PTPRD: variants seen among roughly 807,000 people sequenced by gnomAD.
PTPRD encodes the protein receptor-type tyrosine-protein phosphatase delta.
In PTPRD, 34 loss-of-function variants were observed where a neutral mutation model predicts 214.5. That is an observed-to-expected ratio of 0.16 (90% CI 0.12 to 0.21). The LOEUF is 0.21. Ranked by LOEUF, PTPRD falls within the 10% of genes least tolerant of loss-of-function variation. PTPRD has a pLI of 1.00. For missense variants in PTPRD, 2,545 were observed against 2,398.7 expected, an observed-to-expected ratio of 1.06 and a Z score of -1.27; for synonymous variants, 1,128 against 845.7, an observed-to-expected ratio of 1.33 and a Z score of -5.79.
chr9:9,308,228 C>G (rs1452256729), intron 9 of PTPRD, among the ~76,000 whole-genome samples: 1 of 152,116 alleles, frequency 6.6e-6, no homozygotes, highest in Non-Finnish European at 1.5e-5. Flanking sequence ...AGTAATATCA[C>G]CAACTAATGA....
At chr9:9,964,883 A>C (rs181230247) in intron 4 of PTPRD, among the ~76,000 whole-genome samples, 1 of 152,294 alleles carries the variant, frequency 6.6e-6, no homozygotes, top group African/African-American at 2.4e-5. Context: ...AGATCTAACT[A>C]AACTAATTTT....
chr9:8,966,948 C>A (rs113944513), intron 11 of PTPRD, among the ~76,000 whole-genome samples: 138 of 151,478 alleles, frequency 9.1e-4, no homozygotes, highest in African/African-American at 3.3e-3. Flanking sequence ...AAACAACAAA[C>A]AAACAAAATA....
At chr9:9,147,737 A>G (rs2099871091) in intron 10 of PTPRD, among the ~76,000 whole-genome samples, 3 of 152,088 alleles carry the variant, frequency 2.0e-5, no homozygotes, top group Admixed American at 2.0e-4. Flanking sequence ...GGCCCTTTAT[A>G]GAAAATGTTT....
At chr9:9,560,234 G>A (rs1417349227) in intron 8 of PTPRD, among the ~76,000 whole-genome samples, 2 of 152,154 alleles carry the variant, frequency 1.3e-5, no homozygotes, top group South Asian at 4.1e-4. Flanking sequence ...ACTAGAGGAA[G>A]TACACTCCAC....
intron 8 of PTPRD, among the ~76,000 whole-genome samples, chr9:9,499,478 G>A (rs2096325567): frequency 6.6e-6 from 1 of 151,944 alleles, no homozygotes; most frequent in Non-Finnish European, 1.5e-5. Flanking sequence ...CTTTACTTCA[G>A]CTATCATATT....
At chr9:8,325,651 T>C (rs543151405) in intron 44 of PTPRD, among the ~76,000 whole-genome samples, 316 of 151,744 alleles carry the variant, frequency 2.1e-3, no homozygotes, top group African/African-American at 6.9e-3. Context: ...GGGGATGGCA[T>C]TGAATCTATA....
chr9:9,100,679 A>G (rs1374379763), intron 10 of PTPRD, among the ~76,000 whole-genome samples: 1 of 152,188 alleles, frequency 6.6e-6, no homozygotes, highest in Admixed American at 6.5e-5. Context: ...AGAAAACAGT[A>G]GCCACATTCC....
At chr9:8,544,428 A>C (rs1320338100) in intron 14 of PTPRD, among the ~76,000 whole-genome samples, 2 of 147,578 alleles carry the variant, frequency 1.4e-5, no homozygotes, top group South Asian at 2.1e-4. Context: ...TGCCATTGAT[A>C]TGAGCAGGAA....
intron 3 of PTPRD, among the ~76,000 whole-genome samples, chr9:10,052,118 A>G (rs1389482897): frequency 5.3e-5 from 8 of 151,876 alleles, no homozygotes; most frequent in Non-Finnish European, 1.2e-4. Context: ...CTATTTTTCT[A>G]TTTTTTGTAG....
At chr9:10,489,120 A>G (rs1332883292) in intron 2 of PTPRD, among the ~76,000 whole-genome samples, 2 of 152,096 alleles carry the variant, frequency 1.3e-5, no homozygotes. Context: ...TTAACATAGT[A>G]CTAAGTATCA....
intron 4 of PTPRD, among the ~76,000 whole-genome samples, chr9:9,979,381 A>G (rs964494572): frequency 6.6e-6 from 1 of 152,088 alleles, no homozygotes; most frequent in African/African-American, 2.4e-5. Flanking sequence ...TTTAACAGTT[A>G]AGTGTGTATC....
rs906014361 is a variant in PTPRD, at chr9:9,766,714, G to A, written c.-326+96C>T. On this transcript the variant is annotated intron_variant, in intron 6 of 45. Transcript: ENST00000381196. Reference sequence around the variant, plus strand: ...CAAAAAGTGCATGTCCCATGATACCGTATTTCCAAGCATGCAACAGTAATA... The same window carrying A: ...CAAAAAGTGCATGTCCCATGATACCATATTTCCAAGCATGCAACAGTAATA... The A allele has an allele frequency of 9.2e-5, 14 of 152,172 alleles. No homozygotes were observed. The East Asian group carries it at 1.2e-3, about 13-fold the overall frequency. 9.4% of individuals were successfully genotyped at this position (152,172 alleles called of 1,614,324 possible). A position where few individuals can be genotyped will look rare whatever the true frequency, so the allele number is the denominator to read the frequency against.
intron 2 of PTPRD, among the ~76,000 whole-genome samples, chr9:10,498,232 A>G (rs952586653): frequency 6.6e-6 from 1 of 151,966 alleles, no homozygotes; most frequent in African/African-American, 2.4e-5. Context: ...TAAAGAAAGG[A>G]GTCTCAATAC....
Position 8,501,039 on chromosome 9 carries a change from C to G in PTPRD, c.1843G>C (p.Asp615His), listed in dbSNP as rs1044353748. 3.7e-6 allele frequency: 6 copies of G among 1,612,366 alleles called. No individual in the cohort carries two copies. The highest frequency in any genetic ancestry group is 1.1e-5 in the South Asian group (1 of 91,022). ...MQSKPSAPPQ[D>H]ISCTSPSSTS... ...GAACTTGGGCTGGTGCAACTAATGT[C>G]TTGAGGAGGAGCTGACGGCTCTTAT... Residue 615 changes from aspartate to histidine, a missense_variant, in exon 24 of 46, where the codon GAC (aspartate) becomes CAC (histidine). Physicochemically the swap from Asp to His is moderately conservative, Grantham distance 81. Transcript: ENST00000381196.
chr9:8,409,296 G>A (rs181648319), intron 35 of PTPRD, among the ~76,000 whole-genome samples: 1 of 152,106 alleles, frequency 6.6e-6, no homozygotes, highest in Non-Finnish European at 1.5e-5. Context: ...CAGGGAGAGA[G>A]GCCAGGCTGG....
chr9:9,986,540 A>G (rs2095715564), intron 4 of PTPRD, among the ~76,000 whole-genome samples: 2 of 152,282 alleles, frequency 1.3e-5, no homozygotes, highest in South Asian at 4.1e-4. Flanking sequence ...TCTCTAAATG[A>G]TTAACAATAG....
intron 11 of PTPRD, among the ~76,000 whole-genome samples, chr9:9,016,598 C>A (rs2099536393): frequency 6.6e-6 from 1 of 152,096 alleles, no homozygotes; most frequent in African/African-American, 2.4e-5. Context: ...AGGCTACACT[C>A]CAGATCCAGA....
chr9:8,321,327 C>A (rs1258674449), intron 44 of PTPRD, among the ~76,000 whole-genome samples: 1 of 150,608 alleles, frequency 6.6e-6, no homozygotes, highest in Non-Finnish European at 1.5e-5. Flanking sequence ...TAAGTATTTT[C>A]AAAAAAAGAA....
At chr9:9,393,637 G>C (rs1200084772) in intron 9 of PTPRD, among the ~76,000 whole-genome samples, 3 of 152,116 alleles carry the variant, frequency 2.0e-5, no homozygotes, top group African/African-American at 7.2e-5. Flanking sequence ...TTCTTCCATA[G>C]CAACAGATAA....
Sources: gnomAD v4.1 joint callset for allele counts (sites outside exome capture counted in the v4.1 genomes callset) on GRCh38, gnomAD v4.1.1 for gene constraint, MANE v1.5 for transcripts, NCBI Gene and HGNC (gene_info 2026-07-23, HGNC 2026-07-21) for gene names.